Variants in TYR observed in about 807,000 individuals in gnomAD.
TYR encodes LB24-AB.
Under a neutral mutation model 51.5 loss-of-function variants are expected in TYR, and 58 were observed. The ratio of observed to expected loss-of-function variants is 1.13; its 90% CI spans 0.91 to 1.40. The LOEUF (loss-of-function observed/expected upper bound fraction) is 1.40, where lower values mean the gene tolerates loss of function less well. Ranked by LOEUF, TYR falls within the 40% of genes most tolerant of loss-of-function variation. The pLI is 0.00. For missense variants in TYR, 732 were observed against 647.4 expected (o/e 1.13, Z -1.42); for synonymous variants, 263 against 235.2 (o/e 1.12, Z -1.08).
intron 2 of TYR, among the ~76,000 whole-genome samples, chr11:89,218,649 G>T (rs1180403437): frequency 6.6e-6 from 1 of 152,054 alleles, no homozygotes; most frequent in African/African-American, 2.4e-5. Context: ...AATAACAACA[G>T]TTAACATCAC....
At chr11:89,254,762 T>C (rs1944369761) in intron 3 of TYR, among the ~76,000 whole-genome samples, 2 of 151,878 alleles carry the variant, frequency 1.3e-5, no homozygotes, top group African/African-American at 2.4e-5. Context: ...TATTTATCTT[T>C]TCAAAGAACA....
At chr11:89,292,015 A>G (rs1008147725) in intron 4 of TYR, among the ~76,000 whole-genome samples, 2 of 152,000 alleles carry the variant, frequency 1.3e-5, no homozygotes, top group Non-Finnish European at 2.9e-5. Flanking sequence ...GTTTTCCTGC[A>G]TTACTTTTCT....
intron 2 of TYR, among the ~76,000 whole-genome samples, chr11:89,205,100 A>G (rs1943654780): frequency 6.6e-6 from 1 of 152,174 alleles, no homozygotes; most frequent in South Asian, 2.1e-4. Flanking sequence ...AATTAGAACT[A>G]AAAAATACAG....
chr11:89,262,862 A>AC, intron 3 of TYR, among the ~76,000 whole-genome samples: 1 of 146,294 alleles, frequency 6.8e-6, no homozygotes, highest in Admixed American at 6.9e-5. Context: ...AAAAAAAAAA[A>AC]AAAAAAAAAA....
At chr11:89,270,469 G>C (rs1351108985) in intron 3 of TYR, among the ~76,000 whole-genome samples, 1 of 151,806 alleles carries the variant, frequency 6.6e-6, no homozygotes, top group Non-Finnish European at 1.5e-5. Context: ...CTCTTTGTAA[G>C]ACAAGCACCT....
At chr11:89,241,431 C>G (rs142407392) in intron 3 of TYR, among the ~76,000 whole-genome samples, 37 of 152,156 alleles carry the variant, frequency 2.4e-4, no homozygotes, top group African/African-American at 8.4e-4. Context: ...AGTTTTATTG[C>G]TAGGACCTAA....
At chr11:89,197,209 A>G (rs11018528) in intron 2 of TYR, among the ~76,000 whole-genome samples, 37,351 of 152,020 alleles carry the variant, frequency 0.25, 4,818 homozygotes, top group Non-Finnish European at 0.29. Context: ...CTACGTGGCT[A>G]GAATATTGAG....
chr11:89,234,685 G>T (rs954062626), intron 3 of TYR, among the ~76,000 whole-genome samples: 1 of 107,852 alleles, frequency 9.3e-6, no homozygotes, highest in Non-Finnish European at 1.8e-5. Context: ...ATTCAGGGGA[G>T]TGGCTGGTCA....
In TYR at chr11:89,194,887, T is replaced by C. The variant is rs1441741395; in HGVS notation, c.1036+3469T>C. 2.0e-5 allele frequency among the ~76,000 whole-genome samples: 3 copies of C among 152,332 alleles called. No homozygotes were observed. The East Asian group carries it at 5.8e-4, about 29-fold the overall frequency. ...CTGGTAAGCAAATTATTCTAGAGCA[T>C]CTTGTACCTACAATGCTCCAGGCCT... On this transcript the variant is annotated intron_variant, in intron 2 of 4. Coordinates refer to ENST00000263321, the MANE Select transcript of TYR (RefSeq NM_000372.5).
chr11:89,280,661 C>G (rs990254881), intron 3 of TYR, among the ~76,000 whole-genome samples: 1 of 151,224 alleles, frequency 6.6e-6, no homozygotes. Context: ...TATATCATAT[C>G]TAATATGATA....
Position 89,280,818 on chromosome 11 carries a change from T to C in TYR, c.1185-3955T>C, listed in dbSNP as rs551785310. On this transcript the variant is annotated intron_variant, in intron 3 of 4. Transcript: ENST00000263321. ...TTTTAGTGTACAAATTTATGTTACT[T>C]TGGCAAGGAGTTGCACAATGTTTAA... 1.1e-3 allele frequency among the ~76,000 whole-genome samples: 160 copies of C among 151,848 alleles called. 1 individual carries two copies. Among genetic ancestry groups the C allele is most frequent in the African/African-American group, 3.7e-3 (153 of 41,500 alleles).
At chr11:89,223,275 A>C (rs929139149) in intron 2 of TYR, among the ~76,000 whole-genome samples, 4 of 152,220 alleles carry the variant, frequency 2.6e-5, no homozygotes, top group African/African-American at 9.6e-5. Flanking sequence ...ATATTTGAAA[A>C]GCTGGATATA....
At chr11:89,242,344 A>T (rs929708766) in intron 3 of TYR, among the ~76,000 whole-genome samples, 14 of 151,662 alleles carry the variant, frequency 9.2e-5, no homozygotes, top group Non-Finnish European at 1.3e-4. Flanking sequence ...AGCAGCTGGG[A>T]TTACAGGCAC....
In TYR at chr11:89,187,229, T is replaced by C. The variant is rs573330196; in HGVS notation, c.820-3973T>C. Among the ~76,000 whole-genome samples the C allele has an allele frequency of 3.6e-4, 55 of 152,226 alleles. 1 individual carries two copies. Among genetic ancestry groups the C allele is most frequent in the Admixed American group, 2.7e-3 (41 of 15,266 alleles). On this transcript the variant is annotated intron_variant, in intron 1 of 4. Coordinates refer to ENST00000263321, the MANE Select transcript of TYR (RefSeq NM_000372.5). ...CCCAGCCAAGGCCTCAACATTTATCTGGTGCTGCAAATTGCATAGCCAGTC... is the reference window on the plus strand; with the variant it reads ...CCCAGCCAAGGCCTCAACATTTATCCGGTGCTGCAAATTGCATAGCCAGTC...
Position 89,181,775 on chromosome 11 carries a change from A to G in TYR, c.819+3003A>G, listed in dbSNP as rs1378753091. Reference sequence around the variant, plus strand: ...GTAGGATGATTGTCCAAAGTCACACATCTGAGGACTAAAACCAAGCGGCTC... The same window carrying G: ...GTAGGATGATTGTCCAAAGTCACACGTCTGAGGACTAAAACCAAGCGGCTC... On this transcript the variant is annotated intron_variant, in intron 1 of 4. Coordinates refer to ENST00000263321, the MANE Select transcript of TYR (RefSeq NM_000372.5). Among the ~76,000 whole-genome samples the G allele has an allele frequency of 4.6e-5, 7 of 152,330 alleles. No homozygotes were observed. In the East Asian group the frequency reaches 1.4e-3, roughly 29 times the overall value.
chr11:89,209,623 C>A (rs187759951), intron 2 of TYR, among the ~76,000 whole-genome samples: 1 of 152,156 alleles, frequency 6.6e-6, no homozygotes. Flanking sequence ...TGGAGCACAG[C>A]GTTCGAGCTC....
At chr11:89,254,838 T>C (rs1398775902) in intron 3 of TYR, among the ~76,000 whole-genome samples, 1 of 151,876 alleles carries the variant, frequency 6.6e-6, no homozygotes, top group Non-Finnish European at 1.5e-5. Flanking sequence ...TGCTGTGATA[T>C]TGGTTATTTC....
intron 1 of TYR, among the ~76,000 whole-genome samples, chr11:89,188,497 G>A (rs577450172): frequency 6.6e-6 from 1 of 152,148 alleles, no homozygotes; most frequent in South Asian, 2.1e-4. Context: ...TGTTCTCAAT[G>A]GAGGAGTGGG....
intron 1 of TYR, among the ~76,000 whole-genome samples, chr11:89,184,723 G>A (rs1361127812): frequency 6.6e-6 from 1 of 152,108 alleles, no homozygotes; most frequent in Non-Finnish European, 1.5e-5. Context: ...TAAAAAAATT[G>A]AGATTTAGCA....
Sources: gnomAD v4.1 joint callset for allele counts (sites outside exome capture counted in the v4.1 genomes callset) on GRCh38, gnomAD v4.1.1 for gene constraint, MANE v1.5 for transcripts, NCBI Gene and HGNC (gene_info 2026-07-23, HGNC 2026-07-21) for gene names.